UGT1A10: variants seen among roughly 807,000 people sequenced by gnomAD.
The protein encoded by UGT1A10 is UDP-glucuronosyltransferase 1A10.
In UGT1A10, 49 loss-of-function variants were observed where a neutral mutation model predicts 45.8. The observed-to-expected ratio is 1.07, with a 90% CI of 0.85 to 1.36. The LOEUF is 1.36. Ranked by LOEUF, UGT1A10 falls within the 40% of genes most tolerant of loss-of-function variation. The probability of loss-of-function intolerance (pLI) is 0.00; values close to 1 mark genes in which losing one functional copy is unlikely to be tolerated. For missense variants in UGT1A10, 745 were observed against 668.6 expected, an observed-to-expected ratio of 1.11 and a Z score of -1.26; for synonymous variants, 284 against 249.7, an observed-to-expected ratio of 1.14 and a Z score of -1.29.
chr2:233,701,424 A>G (rs2075626860), intron 1 of UGT1A10, among the ~76,000 whole-genome samples: 1 of 152,170 alleles, frequency 6.6e-6, no homozygotes, highest in South Asian at 2.1e-4. Context: ...TGTCAACATT[A>G]GACAGATCAA....
intron 1 of UGT1A10, among the ~76,000 whole-genome samples, chr2:233,709,017 G>T (rs756510737): frequency 1.3e-5 from 2 of 152,110 alleles, no homozygotes; most frequent in Non-Finnish European, 2.9e-5. Flanking sequence ...TAATACCCAA[G>T]CAGCAGGGGC....
intron 1 of UGT1A10, among the ~76,000 whole-genome samples, chr2:233,645,620 G>A (rs927762238): frequency 1.1e-4 from 16 of 152,182 alleles, no homozygotes; most frequent in Admixed American, 2.6e-4. Flanking sequence ...TCAGAAATCC[G>A]GCAGGGCAGT....
intron 1 of UGT1A10, chr2:233,719,191 T>A (rs1353737147): frequency 6.2e-7 from 1 of 1,614,228 alleles, no homozygotes; most frequent in Admixed American, 1.7e-5. Context: ...TCTTTGGCCC[T>A]TCATAGGTGT....
chr2:233,752,595 T>A (rs1013400964), intron 1 of UGT1A10: 3 of 152,218 alleles, frequency 2.0e-5, no homozygotes, highest in Non-Finnish European at 2.9e-5. Context: ...CTACAAGATT[T>A]TTTTTAAAAA....
intron 1 of UGT1A10, chr2:233,672,293 T>G (rs1302818562): frequency 6.2e-7 from 1 of 1,613,894 alleles, no homozygotes; most frequent in Admixed American, 1.7e-5. Context: ...TTTGACTTAT[T>G]TTTTTCAAAT....
chr2:233,693,633 C>T (rs368362776), intron 1 of UGT1A10: 3 of 1,614,064 alleles, frequency 1.9e-6, no homozygotes, highest in Admixed American at 3.3e-5. Flanking sequence ...CAACGAGTGG[C>T]CAACTTCCTT....
chr2:233,637,546 A>G (rs1187537648), intron 1 of UGT1A10, among the ~76,000 whole-genome samples, 169 bp downstream of exon 1: 1 of 152,230 alleles, frequency 6.6e-6, no homozygotes, highest in Non-Finnish European at 1.5e-5. Flanking sequence ...ATCAAATTTT[A>G]TAAAACTGCC....
chr2:233,659,000 T>C (rs1444379871), intron 1 of UGT1A10, among the ~76,000 whole-genome samples: 6 of 152,238 alleles, frequency 3.9e-5, no homozygotes, highest in African/African-American at 1.4e-4. Context: ...GGGATTTTGG[T>C]TGAAATCATA....
chr2:233,713,130 GC>G (rs768171102), intron 1 of UGT1A10: 197 of 1,614,124 alleles, frequency 1.2e-4, no homozygotes, highest in Non-Finnish European at 1.5e-4. Flanking sequence ...CATGCGGGAG[GC>G]CTTGCGGGAC....
At chr2:233,761,103 G>A (rs371726341) in intron 1 of UGT1A10, 4 of 1,614,144 alleles carry the variant, frequency 2.5e-6, no homozygotes, top group Admixed American at 1.7e-5. Flanking sequence ...TGCCCAATAT[G>A]GTTTTTGTTG....
At chr2:233,729,554 C>T in intron 1 of UGT1A10, 1 of 1,614,178 alleles carries the variant, frequency 6.2e-7, no homozygotes, top group Non-Finnish European at 8.5e-7. Flanking sequence ...CACCTGAATG[C>T]TACTTCCTTT....
At chr2:233,682,391 G>A (rs767701410) in intron 1 of UGT1A10, 9 of 1,613,738 alleles carry the variant, frequency 5.6e-6, no homozygotes, top group African/African-American at 2.7e-5. Flanking sequence ...TCCTTTTGAT[G>A]CCTGTGGCTT....
chr2:233,652,366 T>C (rs933268569), intron 1 of UGT1A10, among the ~76,000 whole-genome samples: 1 of 152,256 alleles, frequency 6.6e-6, no homozygotes, highest in African/African-American at 2.4e-5. Flanking sequence ...TTCAATATTT[T>C]ATTATACTGA....
rs548796271 is a variant in UGT1A10, at chr2:233,768,515, C to A, written c.1295+76C>A. 220 of 1,546,098 alleles carry A rather than the reference C, an allele frequency of 1.4e-4. No individual in the cohort carries two copies. In the African/African-American group the frequency reaches 2.5e-3, roughly 18 times the overall value. ...ATTGTTTCAAATATGAAAACATTTA[C>A]GTAGCATTTAATAGCGTTGTTTCAA... On this transcript the variant is annotated intron_variant, in intron 4 of 4. Transcript: ENST00000344644.
intron 1 of UGT1A10, among the ~76,000 whole-genome samples, chr2:233,730,760 A>T (rs890717703): frequency 1.3e-5 from 2 of 152,118 alleles, no homozygotes; most frequent in Non-Finnish European, 1.5e-5. Flanking sequence ...TAAGACTGTG[A>T]ATCTATAAGC....
At chr2:233,736,366 C>A (rs985371581) in intron 1 of UGT1A10, among the ~76,000 whole-genome samples, 1 of 152,198 alleles carries the variant, frequency 6.6e-6, no homozygotes, top group African/African-American at 2.4e-5. Context: ...TCCATCAGGT[C>A]ATTTAAGGTC....
At chr2:233,737,894 G>A (rs1690620451) in intron 1 of UGT1A10, among the ~76,000 whole-genome samples, 1 of 151,986 alleles carries the variant, frequency 6.6e-6, no homozygotes, top group Non-Finnish European at 1.5e-5. Context: ...GCTAATTTTC[G>A]AGTGTGGTAA....
intron 1 of UGT1A10, among the ~76,000 whole-genome samples, chr2:233,688,756 A>G (rs1000239457): frequency 4.6e-5 from 7 of 152,238 alleles, no homozygotes; most frequent in African/African-American, 1.7e-4. Context: ...CCATAATCAA[A>G]TGAACATGGC....
At chr2:233,672,389 A>T in intron 1 of UGT1A10, 2 of 1,614,098 alleles carry the variant, frequency 1.2e-6, no homozygotes, top group South Asian at 2.2e-5. Context: ...CCTTTTGATA[A>T]CTGTGGCTTA....
Sources: gnomAD v4.1 joint callset for allele counts (sites outside exome capture counted in the v4.1 genomes callset) on GRCh38, gnomAD v4.1.1 for gene constraint, MANE v1.5 for transcripts, NCBI Gene and HGNC (gene_info 2026-07-23, HGNC 2026-07-21) for gene names.